Variants in ADGRV1 observed in about 807,000 individuals in gnomAD.
ADGRV1 encodes G-protein coupled receptor 98.
In ADGRV1, 359 loss-of-function variants were observed where a neutral mutation model predicts 596.2. That is an observed-to-expected ratio of 0.60 (90% confidence interval 0.55 to 0.66). The LOEUF is 0.66. ADGRV1 is among the 30% of genes least tolerant of loss of function. The pLI is 0.00. For missense variants in ADGRV1, 7,274 were observed against 7,575.6 expected (o/e 0.96, Z 1.48); for synonymous variants, 2,681 against 2,679.2 (o/e 1.00, Z -0.02).
intron 45 of ADGRV1, among the ~76,000 whole-genome samples, chr5:90,722,335 G>A (rs911453689): frequency 1.3e-5 from 2 of 152,038 alleles, no homozygotes; most frequent in Non-Finnish European, 2.9e-5. Context: ...ATGTATTTTA[G>A]TAAGGGGAGT....
intron 85 of ADGRV1, among the ~76,000 whole-genome samples, chr5:91,006,375 A>G (rs1178754035): frequency 6.6e-6 from 1 of 152,174 alleles, no homozygotes; most frequent in Non-Finnish European, 1.5e-5. Context: ...TAAAGAGAAA[A>G]AAGTCACAAC....
At chr5:90,697,757 G>A (rs1012014154) in intron 34 of ADGRV1, among the ~76,000 whole-genome samples, 2 of 151,882 alleles carry the variant, frequency 1.3e-5, no homozygotes, top group South Asian at 2.1e-4. Context: ...GCTAATTTTT[G>A]TGTGTTTAAA....
chr5:91,147,826 G>A (rs1333145750), intron 87 of ADGRV1, among the ~76,000 whole-genome samples: 1 of 152,162 alleles, frequency 6.6e-6, no homozygotes, highest in African/African-American at 2.4e-5. Flanking sequence ...CAGTTTGGAG[G>A]GCTCAGAAGA....
At chr5:90,658,996 A>C (rs568032121) in intron 21 of ADGRV1, among the ~76,000 whole-genome samples, 1 of 152,328 alleles carries the variant, frequency 6.6e-6, no homozygotes, top group Admixed American at 6.5e-5. Context: ...ATGTATAAGT[A>C]AATTGAAATG....
At chr5:90,866,334 T>TGTGTGTGTG (rs1768101837) in intron 83 of ADGRV1, among the ~76,000 whole-genome samples, 1 of 151,684 alleles carries the variant, frequency 6.6e-6, no homozygotes, top group Admixed American at 6.6e-5. Flanking sequence ...TGTGTGTGTG[T>TGTGTGTGTG]GTGTGTGTGT....
At chr5:91,143,273 C>T (rs1178482295) in intron 87 of ADGRV1, among the ~76,000 whole-genome samples, 9 of 152,224 alleles carry the variant, frequency 5.9e-5, no homozygotes, top group Non-Finnish European at 1.2e-4. Context: ...CAGCTCTTCT[C>T]TCCTTGTTGC....
chr5:90,645,763 C>G (rs1208537239), intron 15 of ADGRV1, among the ~76,000 whole-genome samples: 1 of 152,068 alleles, frequency 6.6e-6, no homozygotes, highest in African/African-American at 2.4e-5. Flanking sequence ...AATGAAGTGG[C>G]TGTTTGTATG....
At chr5:90,777,642 A>G (rs1758388716) in intron 61 of ADGRV1, among the ~76,000 whole-genome samples, 1 of 152,036 alleles carries the variant, frequency 6.6e-6, no homozygotes. Flanking sequence ...ACTTCTTTTT[A>G]TTTCTTTAAA....
chr5:90,872,055 A>C (rs1216124514), intron 83 of ADGRV1, among the ~76,000 whole-genome samples: 1 of 152,118 alleles, frequency 6.6e-6, no homozygotes, highest in Non-Finnish European at 1.5e-5. Flanking sequence ...TGAACACTGA[A>C]TCCTTCCAGA....
intron 85 of ADGRV1, among the ~76,000 whole-genome samples, chr5:90,987,343 G>A (rs1451773548): frequency 6.6e-6 from 1 of 151,898 alleles, no homozygotes; most frequent in Non-Finnish European, 1.5e-5. Context: ...GGTGGCGCAT[G>A]CCTGTAGTCT....
At chr5:91,157,691 T>C (rs1291661598) in intron 89 of ADGRV1, among the ~76,000 whole-genome samples, 2 of 152,230 alleles carry the variant, frequency 1.3e-5, no homozygotes, top group African/African-American at 4.8e-5. Context: ...CAATTATTCC[T>C]AGTGTACAGT....
chr5:90,840,814 C>G lies in ADGRV1; in HGVS notation c.16848C>G (p.Asn5616Lys). 3 of 1,613,916 alleles carry G rather than the reference C, an allele frequency of 1.9e-6. No individual in the cohort carries two copies. The highest frequency in any genetic ancestry group is 2.5e-6 in the Non-Finnish European group (3 of 1,179,844). The stretch of plus-strand genomic sequence containing the variant: ...TTGATAAAGTGTATGGGACTGCCAA[C>G]ATCACTCTTGTCTCAGATGCAGATT... ...ARIDKVYGTA[N>K]ITLVSDADSQ... is the part of the protein sequence containing the mutation. Residue 5616 changes from asparagine to lysine, a missense_variant, in exon 78 of 90, where the codon AAC becomes AAG. By Grantham distance (94) the Asn-to-Lys change is moderately conservative. Around this residue, in one of 5 missense-constraint regions of ADGRV1, gnomAD observed 1,874 missense variants for 1,970.2 expected, o/e 0.95. Transcript: ENST00000405460.
chr5:90,729,474 T>C (rs1274720024), intron 49 of ADGRV1, among the ~76,000 whole-genome samples, 168 bp from the exon 50 acceptor site: 2 of 152,226 alleles, frequency 1.3e-5, no homozygotes, highest in Admixed American at 6.5e-5. Context: ...ATGCAGTAAA[T>C]GCAAAAAGAC....
chr5:90,683,678 C>T lies in ADGRV1; in HGVS notation c.5757C>T (p.Asn1919=). The change falls in exon 28 of 90, where the codon AAC becomes AAT. Residue 1919 remains asparagine (N), a synonymous_variant. Coordinates refer to ENST00000405460, the MANE Select transcript of ADGRV1 (RefSeq NM_032119.4). ...GTGATCTCGCCTTCACCTCTGGCAA[C>T]ATCACATTTGAGATTGGGCAGACGA... The part of the protein sequence containing the change: ...PDGDLAFTSG[N]ITFEIGQTSA... 6.2e-7 allele frequency: 1 copy of T among 1,613,832 alleles called. No homozygotes were observed. Among genetic ancestry groups the T allele is most frequent in the Non-Finnish European group, 8.5e-7 (1 of 1,179,822 alleles).
Position 90,627,537 on chromosome 5 carries a change from T to C in ADGRV1, c.999T>C (p.Phe333=), listed in dbSNP as rs1764926005. ...IDLQPNTTVV[F]PPFIHESHLK... ...TTCAGCCAAACACAACTGTTGTTTT[T>C]CCACCTTTTATTCATGAATCTCACT... Residue 333 remains phenylalanine, a synonymous_variant, in exon 7 of 90, where the codon TTT becomes TTC. Transcript: ENST00000405460. 6.2e-7 allele frequency: 1 copy of C among 1,613,888 alleles called. No individual in the cohort carries two copies. Among genetic ancestry groups the C allele is most frequent in the Non-Finnish European group, 8.5e-7 (1 of 1,179,792 alleles).
In ADGRV1 at chr5:91,150,060, T is replaced by C; in HGVS notation, c.18463T>C (p.Leu6155=). 6.5e-7 allele frequency: 1 copy of C among 1,549,990 alleles called. No homozygotes were observed. The highest frequency in any genetic ancestry group is 8.7e-7 in the Non-Finnish European group (1 of 1,146,600). Reference sequence around the variant, plus strand: ...TTATGTTTTCATGGTTTATTTCATTTTACACAACCAAATGTGTTGCCCTAT... The same window carrying C: ...TTATGTTTTCATGGTTTATTTCATTCTACACAACCAAATGTGTTGCCCTAT... The part of the protein sequence containing the change: ...GLYVFMVYFI[L]HNQMCCPMKA... The change falls in exon 88 of 90, where the codon TTA becomes CTA. Residue 6155 remains leucine, a synonymous_variant. Coordinates refer to ENST00000405460, the MANE Select transcript of ADGRV1 (RefSeq NM_032119.4).
chr5:90,797,448 T>C (rs947943996), intron 70 of ADGRV1, among the ~76,000 whole-genome samples: 2 of 152,012 alleles, frequency 1.3e-5, no homozygotes, highest in African/African-American at 4.8e-5. Flanking sequence ...ATATATGCAC[T>C]CAATACAGGA....
intron 18 of ADGRV1, 67 bp from the exon 19 acceptor site, chr5:90,652,279 A>G (rs569460181): frequency 4.4e-4 from 503 of 1,135,852 alleles, no homozygotes; most frequent in Admixed American, 6.1e-4. Flanking sequence ...TGTTTCCTTA[A>G]TAACACAGGA....
chr5:90,649,001 G>T (rs565801065), intron 17 of ADGRV1, among the ~76,000 whole-genome samples: 203 of 152,206 alleles, frequency 1.3e-3, no homozygotes, highest in African/African-American at 4.8e-3. Flanking sequence ...ATGAAGGAAT[G>T]ATATTATTAA....
Sources: allele counts gnomAD v4.1 joint callset (sites outside exome capture counted in the v4.1 genomes callset), GRCh38; gene constraint gnomAD v4.1.1; regional missense constraint gnomAD v4.1.1; transcripts MANE v1.5; gene names NCBI Gene and HGNC (gene_info 2026-07-23, HGNC 2026-07-21).